CBL: variants seen among roughly 807,000 people sequenced by gnomAD.
CBL encodes Cbl proto-oncogene.
A neutral mutation model predicts 96.9 loss-of-function variants in CBL; 45 were observed. The ratio of observed to expected loss-of-function variants is 0.46; its 90% CI spans 0.37 to 0.60. CBL has a LOEUF of 0.60. CBL is among the 20% of genes least tolerant of loss of function. CBL has a pLI of 0.00. For synonymous variants in CBL, 420 were observed against 426.8 expected (o/e 0.98, Z 0.20); for missense variants, 1,024 against 1,143.5 (o/e 0.90, Z 1.51).
intron 9 of CBL, 77 bp downstream of exon 9, chr11:119,278,790 C>A: frequency 1.9e-6 from 2 of 1,052,726 alleles, no homozygotes; most frequent in Non-Finnish European, 3.0e-6. Context: ...TAACGATATC[C>A]AAACTACAAT....
intron 2 of CBL, among the ~76,000 whole-genome samples, chr11:119,252,436 GC>G (rs1439743779): frequency 1.3e-5 from 2 of 152,006 alleles, no homozygotes; most frequent in East Asian, 3.9e-4. Context: ...TGATTAAAAA[GC>G]CACTTAGGGA....
intron 1 of CBL, among the ~76,000 whole-genome samples, chr11:119,209,863 T>C (rs555165915): frequency 2.0e-5 from 3 of 152,190 alleles, no homozygotes; most frequent in Non-Finnish European, 2.9e-5. Flanking sequence ...GATTTACTAA[T>C]CCATTATGGA....
chr11:119,288,073 G>C, intron 12 of CBL, 127 bp downstream of exon 12: 2 of 691,184 alleles, frequency 2.9e-6, no homozygotes, highest in South Asian at 3.3e-5. Context: ...ATGTAGAAAT[G>C]ATTATATTTT....
chr11:119,208,215 T>G (rs1401005709), intron 1 of CBL, among the ~76,000 whole-genome samples: 1 of 152,158 alleles, frequency 6.6e-6, no homozygotes, highest in East Asian at 1.9e-4. Context: ...AGTTTGTTAG[T>G]TTGCTTTTTA....
At chr11:119,264,386 CTT>C (rs1949779897) in intron 2 of CBL, among the ~76,000 whole-genome samples, 1 of 131,062 alleles carries the variant, frequency 7.6e-6, no homozygotes, top group African/African-American at 2.9e-5. Context: ...TCTTTCTTTT[CTT>C]TTCTCTTCTC....
chr11:119,235,066 A>T (rs1949532843), intron 2 of CBL, among the ~76,000 whole-genome samples: 1 of 152,116 alleles, frequency 6.6e-6, no homozygotes, highest in Admixed American at 6.6e-5. Flanking sequence ...CTTATAGATG[A>T]TAGGCTGTCA....
At chr11:119,219,927 G>A (rs372930980) in intron 1 of CBL, among the ~76,000 whole-genome samples, 1 of 148,822 alleles carries the variant, frequency 6.7e-6, no homozygotes, top group African/African-American at 2.5e-5. Context: ...TCGGCTCACT[G>A]CAACCTCCGC....
rs774148925 is a variant in CBL at position 119,285,407 on chromosome 11, A to G, written c.1782A>G (p.Pro594=). 2 of 1,614,154 alleles carry G rather than the reference A, an allele frequency of 1.2e-6. No individual in the cohort carries two copies. The highest frequency in any genetic ancestry group is 2.2e-5 in the South Asian group (2 of 91,082). The part of the protein sequence containing the change: ...SRLGDSWLPR[P]IPKVPVSAPS... ...TTGGAGACTCATGGCTGCCCCGGCCAATCCCCAAAGTACCAGTATCTGCCC... is the reference window on the plus strand; with the variant it reads ...TTGGAGACTCATGGCTGCCCCGGCCGATCCCCAAAGTACCAGTATCTGCCC... The change falls in exon 11 of 16, where the codon CCA becomes CCG. Residue 594 remains proline (P), a synonymous_variant. Transcript: ENST00000264033.
intron 1 of CBL, among the ~76,000 whole-genome samples, chr11:119,230,573 T>C (rs552294731): frequency 1.7e-4 from 26 of 152,232 alleles, no homozygotes; most frequent in Non-Finnish European, 3.2e-4. Context: ...AGAATTGTTA[T>C]CAAGACAGTG....
intron 1 of CBL, among the ~76,000 whole-genome samples, chr11:119,215,252 A>G (rs908113255): frequency 4.6e-5 from 7 of 152,146 alleles, no homozygotes; most frequent in African/African-American, 1.7e-4. Flanking sequence ...AGCAGTATAC[A>G]TATAATGAAC....
At chr11:119,278,018 T>C (rs1006158122) in intron 7 of CBL, 148 bp from the exon 8 acceptor site, 5 of 876,216 alleles carry the variant, frequency 5.7e-6, no homozygotes, top group Non-Finnish European at 9.0e-6. Context: ...GACTAGATGC[T>C]TTCTGGTTTA....
At chr11:119,281,180 T>A (rs1413232167) in intron 9 of CBL, among the ~76,000 whole-genome samples, 1 of 152,202 alleles carries the variant, frequency 6.6e-6, no homozygotes, top group Non-Finnish European at 1.5e-5. Context: ...CTTGTCACCC[T>A]GAGGTGTCCC....
chr11:119,274,196 A>T (rs920758265), intron 4 of CBL, among the ~76,000 whole-genome samples, 172 bp downstream of exon 4: 19 of 151,944 alleles, frequency 1.3e-4, no homozygotes, highest in African/African-American at 4.4e-4. Flanking sequence ...TTAAAAATAT[A>T]TGTATGTGTG....
intron 2 of CBL, among the ~76,000 whole-genome samples, chr11:119,252,045 GT>G (rs201364280): frequency 6.6e-6 from 1 of 150,434 alleles, no homozygotes. Context: ...TGGCAGCTTA[GT>G]TTTTTTTACT....
intron 2 of CBL, among the ~76,000 whole-genome samples, chr11:119,268,095 G>GT (rs1348773543): frequency 2.6e-5 from 4 of 152,182 alleles, no homozygotes; most frequent in African/African-American, 9.7e-5. Flanking sequence ...AGAAAGATAG[G>GT]TTAGATCCAG....
intron 9 of CBL, among the ~76,000 whole-genome samples, chr11:119,284,432 A>C (rs538688184): frequency 3.3e-5 from 5 of 151,878 alleles, no homozygotes; most frequent in Non-Finnish European, 7.4e-5. Context: ...TAGCCTCCCA[A>C]ATAGCTGTGT....
chr11:119,212,998 G>C (rs1949330533), intron 1 of CBL, among the ~76,000 whole-genome samples: 1 of 150,588 alleles, frequency 6.6e-6, no homozygotes, highest in East Asian at 1.9e-4. Flanking sequence ...AAAAAAAATA[G>C]AGACAGAATC....
rs1950101778 is a variant in CBL at position 119,301,518 on chromosome 11, T to G, written c.*1737T>G. On this transcript the variant is annotated 3_prime_UTR_variant, in exon 16 of 16. Transcript: ENST00000264033. ...AGATCTACACAGAAATGACCCTCCT[T>G]GGATCAGTTTTCTTTCCAGTCTAAT... The G allele has an allele frequency of 4.3e-6, 1 of 233,190 alleles. No individual in the cohort carries two copies. Among genetic ancestry groups the G allele is most frequent in the Admixed American group, 5.6e-5 (1 of 17,786 alleles). 14.4% of individuals were successfully genotyped at this position (233,190 alleles called of 1,614,324 possible). A position where few individuals can be genotyped will look rare whatever the true frequency, so the allele number is the denominator to read the frequency against.
chr11:119,288,287 G>A (rs887714659), intron 12 of CBL, among the ~76,000 whole-genome samples: 28 of 152,318 alleles, frequency 1.8e-4, no homozygotes, highest in African/African-American at 6.7e-4. Context: ...TGGACGCTGT[G>A]TTGATCTGCT....
Sources: allele counts gnomAD v4.1 joint callset (sites outside exome capture counted in the v4.1 genomes callset), GRCh38; gene constraint gnomAD v4.1.1; transcripts MANE v1.5; gene names NCBI Gene and HGNC (gene_info 2026-07-23, HGNC 2026-07-21).